Variants in PLA2G4A observed in about 807,000 individuals in gnomAD.
The protein encoded by PLA2G4A is cytosolic phospholipase A2.
Under a neutral mutation model 81.9 loss-of-function variants are expected in PLA2G4A, and 40 were observed. The ratio of observed to expected loss-of-function variants is 0.49; its 90% CI spans 0.38 to 0.64. The LOEUF is 0.64. PLA2G4A is among the 30% of genes least tolerant of loss of function. The pLI is 0.00. For missense variants in PLA2G4A, 715 were observed against 905.1 expected (o/e 0.79, Z 2.69); for synonymous variants, 302 against 296.9 (o/e 1.02, Z -0.18).
Position 186,977,654 on chromosome 1 carries a change from C to A in PLA2G4A, c.1826C>A (p.Pro609His). The A allele has an allele frequency of 5.6e-6, 9 of 1,613,436 alleles. No homozygotes were observed. The highest frequency in any genetic ancestry group is 7.6e-6 in the Non-Finnish European group (9 of 1,179,426). Residue 609 changes from proline (P) to histidine (H), a missense_variant, in exon 16 of 18, where the codon CCT becomes CAT. Physicochemically the swap from Pro to His is moderately conservative, Grantham distance 77. Transcript: ENST00000367466. ...AAGCTCCCCTTTCCAAAGATTGATC[C>A]TTATGTGTTTGATCGGGAAGGGCTG... Reference protein sequence around the residue: ...MNKLPFPKIDPYVFDREGLKE... With the variant: ...MNKLPFPKIDHYVFDREGLKE...
At chr1:186,944,822 T>C (rs1404526761) in intron 10 of PLA2G4A, among the ~76,000 whole-genome samples, 2 of 152,144 alleles carry the variant, frequency 1.3e-5, no homozygotes, top group Non-Finnish European at 2.9e-5. Context: ...GTTCTTATAA[T>C]CAGTGATATT....
intron 7 of PLA2G4A, among the ~76,000 whole-genome samples, chr1:186,918,375 A>G (rs1483006811): frequency 6.6e-6 from 1 of 152,134 alleles, no homozygotes; most frequent in Non-Finnish European, 1.5e-5. Flanking sequence ...CCTTTTCCTT[A>G]TATAATGCTC....
chr1:186,886,120 T>A (rs928102458), intron 3 of PLA2G4A, among the ~76,000 whole-genome samples: 8 of 152,274 alleles, frequency 5.3e-5, no homozygotes, highest in Admixed American at 1.3e-4. Context: ...AGTATAATCC[T>A]GAAGATATTG....
chr1:186,925,729 T>C (rs955283142), intron 7 of PLA2G4A, among the ~76,000 whole-genome samples: 10 of 152,236 alleles, frequency 6.6e-5, no homozygotes, highest in Non-Finnish European at 1.5e-4. Flanking sequence ...CTCTCAGTTA[T>C]GCTCTCTTAT....
At chr1:186,974,328 C>G (rs1478080180) in intron 15 of PLA2G4A, among the ~76,000 whole-genome samples, 5 of 152,054 alleles carry the variant, frequency 3.3e-5, no homozygotes, top group Non-Finnish European at 7.4e-5. Context: ...AACCCCTTCT[C>G]TACTAAAAAT....
intron 3 of PLA2G4A, among the ~76,000 whole-genome samples, chr1:186,879,509 A>T (rs1355484570): frequency 6.6e-6 from 1 of 151,844 alleles, no homozygotes; most frequent in South Asian, 2.1e-4. Flanking sequence ...TTAAACAAGG[A>T]CTCTGAAACT....
At chr1:186,907,355 G>A (rs966284300) in intron 6 of PLA2G4A, among the ~76,000 whole-genome samples, 1 of 152,006 alleles carries the variant, frequency 6.6e-6, no homozygotes, top group African/African-American at 2.4e-5. Flanking sequence ...GTTGATTCAG[G>A]TAGATATTCA....
At chr1:186,973,100 T>C (rs1465027771) in intron 15 of PLA2G4A, among the ~76,000 whole-genome samples, 4 of 152,254 alleles carry the variant, frequency 2.6e-5, no homozygotes, top group Middle Eastern at 3.4e-3. Context: ...TGTACTAGTT[T>C]CCTGGAACTT....
At chr1:186,975,388 TC>T (rs1220118563) in intron 15 of PLA2G4A, among the ~76,000 whole-genome samples, 1 of 152,210 alleles carries the variant, frequency 6.6e-6, no homozygotes, top group African/African-American at 2.4e-5. Context: ...AGAGAGTTGA[TC>T]AACATAAAAT....
At chr1:186,837,753 G>GAAAAAAAA (rs1267826917) in intron 1 of PLA2G4A, among the ~76,000 whole-genome samples, 1 of 118,168 alleles carries the variant, frequency 8.5e-6, no homozygotes, top group African/African-American at 3.4e-5. Context: ...AAAAAAAAAA[G>GAAAAAAAA]AAAAAGAAAA....
intron 12 of PLA2G4A, among the ~76,000 whole-genome samples, chr1:186,947,928 C>A (rs1195266142): frequency 6.6e-6 from 1 of 152,086 alleles, no homozygotes; most frequent in Non-Finnish European, 1.5e-5. Flanking sequence ...AAGCTTCCTG[C>A]AGGAATTTTA....
intron 3 of PLA2G4A, among the ~76,000 whole-genome samples, chr1:186,890,503 T>C (rs1654095513): frequency 6.6e-6 from 1 of 151,912 alleles, no homozygotes; most frequent in Non-Finnish European, 1.5e-5. Context: ...TGTTTTGTTC[T>C]ATTTCAGTGG....
At chr1:186,925,871 T>G (rs1347659860) in intron 7 of PLA2G4A, among the ~76,000 whole-genome samples, 1 of 152,230 alleles carries the variant, frequency 6.6e-6, no homozygotes, top group Non-Finnish European at 1.5e-5. Flanking sequence ...CAGGACAACA[T>G]CTGTGTTATT....
intron 14 of PLA2G4A, among the ~76,000 whole-genome samples, chr1:186,963,634 G>T (rs565110726): frequency 9.2e-5 from 14 of 152,040 alleles, no homozygotes; most frequent in Non-Finnish European, 2.1e-4. Flanking sequence ...ATTCTGGGCC[G>T]TATGAATTGC....
At chr1:186,855,437 G>A (rs1652517129) in intron 2 of PLA2G4A, among the ~76,000 whole-genome samples, 1 of 151,792 alleles carries the variant, frequency 6.6e-6, no homozygotes, top group South Asian at 2.1e-4. Context: ...TATACATAAA[G>A]TGCATAAATC....
chr1:186,834,605 C>G (rs1651714638), intron 1 of PLA2G4A, among the ~76,000 whole-genome samples: 2 of 152,008 alleles, frequency 1.3e-5, no homozygotes, highest in Admixed American at 1.3e-4. Flanking sequence ...AACTTGATTA[C>G]TGATTGACGT....
chr1:186,971,240 CATCTGACA>C (rs1433908254), intron 15 of PLA2G4A, among the ~76,000 whole-genome samples: 2 of 151,678 alleles, frequency 1.3e-5, no homozygotes, highest in Non-Finnish European at 2.9e-5. Context: ...TCCATTAATC[CATCTGACA>C]ATCTTGCAGT....
intron 6 of PLA2G4A, among the ~76,000 whole-genome samples, chr1:186,910,992 A>G (rs560273767): frequency 4.6e-5 from 7 of 152,360 alleles, no homozygotes; most frequent in African/African-American, 1.7e-4. Flanking sequence ...TCAACTTATC[A>G]GAGGCTGTTT....
rs1657963312 is a variant in PLA2G4A at position 186,988,455 on chromosome 1, G to A, written c.2197G>A (p.Val733Ile). 1.2e-6 allele frequency: 2 copies of A among 1,612,036 alleles called. No homozygotes were observed. The highest frequency in any genetic ancestry group is 1.1e-5 in the South Asian group (1 of 91,038). Residue 733 changes from valine (V) to isoleucine (I), a missense_variant, in exon 18 of 18, where the codon GTT becomes ATT. By Grantham distance (29) the Val-to-Ile change is conservative. Coordinates refer to ENST00000367466, the MANE Select transcript of PLA2G4A (RefSeq NM_024420.3). The part of the protein sequence containing the change: ...PSRCSVSLSN[V>I]EARRFFNKEF... ...TCGTTGCTCTGTTTCCCTTAGTAAT[G>A]TTGAGGCAAGAAGATTTTTCAACAA... is the stretch of plus-strand genomic sequence containing the variant.
Sources: gnomAD v4.1 joint callset for allele counts (sites outside exome capture counted in the v4.1 genomes callset) on GRCh38, gnomAD v4.1.1 for gene constraint, MANE v1.5 for transcripts, NCBI Gene and HGNC (gene_info 2026-07-23, HGNC 2026-07-21) for gene names.